SLC9A8: variants seen among roughly 807,000 people sequenced by gnomAD.
SLC9A8 encodes the protein solute carrier family 9 member A8, also known as sodium/hydrogen exchanger 8.
In SLC9A8, 48 loss-of-function variants were observed where a neutral mutation model predicts 66.6. The observed-to-expected ratio is 0.72, with a 90% CI of 0.57 to 0.92. SLC9A8 has a LOEUF of 0.92. SLC9A8 is among the 40% of genes least tolerant of loss of function. The pLI, the probability that SLC9A8 is intolerant of heterozygous loss-of-function variation, is 0.00. For missense variants in SLC9A8, 599 were observed against 747.3 expected, an observed-to-expected ratio of 0.80 and a Z score of 2.31; for synonymous variants, 274 against 282.6, an observed-to-expected ratio of 0.97 and a Z score of 0.31.
At chr20:49,865,557 A>G (rs1337735500) in intron 10 of SLC9A8, among the ~76,000 whole-genome samples, 1 of 152,160 alleles carries the variant, frequency 6.6e-6, no homozygotes, top group Non-Finnish European at 1.5e-5. Context: ...AGGAGGGCAC[A>G]CAGCTCTCAG....
At chr20:49,836,101 C>T (rs1051699960) in intron 3 of SLC9A8, among the ~76,000 whole-genome samples, 1 of 152,172 alleles carries the variant, frequency 6.6e-6, no homozygotes, top group African/African-American at 2.4e-5. Context: ...CTCCCTGTCC[C>T]TGGGCAACCA....
Position 49,888,155 on chromosome 20 carries a change from C to A in SLC9A8, c.*219C>A. Reference sequence around the variant, plus strand: ...GAAACTGTCATCTCCCGACTCCTCCCTGAGCCAGCCTCCGCTCAGTGTGGC... The same window carrying A: ...GAAACTGTCATCTCCCGACTCCTCCATGAGCCAGCCTCCGCTCAGTGTGGC... On this transcript the variant is annotated 3_prime_UTR_variant, in exon 16 of 16. Transcript: ENST00000361573. 2.1e-6 allele frequency: 1 copy of A among 481,812 alleles called. No homozygotes were observed. Among genetic ancestry groups the A allele is most frequent in the East Asian group, 3.9e-5 (1 of 25,504 alleles). The allele number at this position is 481,812 out of a possible 1,614,324, so 29.8% of individuals were successfully genotyped here. A position where few individuals can be genotyped will look rare whatever the true frequency, so the allele number is the denominator to read the frequency against.
At chr20:49,820,147 AG>A (rs2086680984) in intron 2 of SLC9A8, among the ~76,000 whole-genome samples, 1 of 152,178 alleles carries the variant, frequency 6.6e-6, no homozygotes, top group African/African-American at 2.4e-5. Flanking sequence ...CCATTTTACA[AG>A]GGTTCCGGTT....
At chr20:49,851,864 A>G (rs769109617) in intron 7 of SLC9A8, among the ~76,000 whole-genome samples, 1 of 152,220 alleles carries the variant, frequency 6.6e-6, no homozygotes, top group Non-Finnish European at 1.5e-5. Context: ...TGCCCAGTAA[A>G]GGAAGGTATC....
At chr20:49,887,624 T>G (rs892756107) in intron 15 of SLC9A8, among the ~76,000 whole-genome samples, 1 of 152,150 alleles carries the variant, frequency 6.6e-6, no homozygotes, top group African/African-American at 2.4e-5. Context: ...CCTCCTCCTT[T>G]CTGAATGACA....
chr20:49,883,936 T>G lies in SLC9A8; in HGVS notation c.1361T>G (p.Val454Gly), dbSNP rs2089724222. ...CAGCTCATCGGCACCACCACCATCG[T>G]CATCGTGCTCTTCACCATCCTGCTG... is the stretch of plus-strand genomic sequence containing the variant. ...KRQLIGTTTIVIVLFTILLLG... is the reference protein window; with the variant it reads ...KRQLIGTTTIGIVLFTILLLG... Residue 454 changes from valine (V) to glycine (G), a missense_variant, in exon 14 of 16, where the codon GTC becomes GGC. Physicochemically the swap from Val to Gly is moderately radical, Grantham distance 109. This residue lies in a region of SLC9A8 where 467 missense variants were observed against 626.5 expected (regional missense o/e 0.75). Transcript: ENST00000361573. The G allele has an allele frequency of 6.2e-7, 1 of 1,612,624 alleles. No homozygotes were observed. Among genetic ancestry groups the G allele is most frequent in the East Asian group, 2.2e-5 (1 of 44,860 alleles).
At chr20:49,882,223 G>A (rs557195337) in intron 13 of SLC9A8, among the ~76,000 whole-genome samples, 12 of 152,356 alleles carry the variant, frequency 7.9e-5, no homozygotes, top group African/African-American at 2.6e-4. Context: ...TTGCGAGTGA[G>A]CCGTGCTCGC....
Position 49,875,990 on chromosome 20 carries a change from C to T in SLC9A8, c.1075+1169C>T, listed in dbSNP as rs1043878699. Among the ~76,000 whole-genome samples, 5 of 152,156 alleles carry T rather than the reference C, an allele frequency of 3.3e-5. No individual in the cohort carries two copies. The East Asian group carries it at 5.8e-4, about 18-fold the overall frequency. On this transcript the variant is annotated intron_variant, in intron 11 of 15. Transcript: ENST00000361573. ...TCCTGACCTTGTGATCCACCTGCCT[C>T]GGCCTCCCAAAGTGCTGGGATTACA...
chr20:49,874,606 A>G (rs1213469951), intron 10 of SLC9A8, 99 bp from the exon 11 acceptor site: 1 of 765,454 alleles, frequency 1.3e-6, no homozygotes, highest in Non-Finnish European at 2.3e-6. Flanking sequence ...TTTTTCTTAA[A>G]CCCTCTAATG....
intron 3 of SLC9A8, among the ~76,000 whole-genome samples, chr20:49,828,090 T>C (rs911543505): frequency 1.3e-5 from 2 of 148,776 alleles, no homozygotes; most frequent in African/African-American, 4.9e-5. Context: ...TTTTTTTTTT[T>C]TTTTTTTGAG....
chr20:49,854,089 C>G (rs1600728757), intron 7 of SLC9A8, among the ~76,000 whole-genome samples: 3 of 152,320 alleles, frequency 2.0e-5, no homozygotes, highest in Admixed American at 2.0e-4. Context: ...CTGACACAGG[C>G]TGGCCATTGG....
At chr20:49,848,606 C>A (rs2088110703) in intron 5 of SLC9A8, among the ~76,000 whole-genome samples, 1 of 152,200 alleles carries the variant, frequency 6.6e-6, no homozygotes, top group Non-Finnish European at 1.5e-5. Flanking sequence ...TAATAAATAG[C>A]TTAATTTCCT....
intron 3 of SLC9A8, among the ~76,000 whole-genome samples, chr20:49,832,539 A>G (rs1022390534): frequency 4.6e-5 from 7 of 152,224 alleles, no homozygotes; most frequent in African/African-American, 9.7e-5. Flanking sequence ...GCAGAAGACC[A>G]GCACTTATGG....
chr20:49,815,474 C>T (rs1216629833), intron 2 of SLC9A8: 2 of 249,048 alleles, frequency 8.0e-6, no homozygotes, highest in Middle Eastern at 1.2e-3. Flanking sequence ...TGAGGCCTGG[C>T]GCGGTGGCTC....
intron 3 of SLC9A8, among the ~76,000 whole-genome samples, chr20:49,836,436 C>T (rs1026163814): frequency 2.6e-5 from 4 of 152,132 alleles, no homozygotes; most frequent in Admixed American, 6.5e-5. Context: ...CAGGTTCCAG[C>T]GATTCTCCTG....
chr20:49,886,184 G>A lies in SLC9A8; in HGVS notation c.1492-568G>A, dbSNP rs1221278236. Among the ~76,000 whole-genome samples, 3 of 151,986 alleles carry A rather than the reference G, an allele frequency of 2.0e-5. No homozygotes were observed. The East Asian group carries it at 5.8e-4, about 29-fold the overall frequency. On this transcript the variant is annotated intron_variant, in intron 14 of 15. Coordinates refer to ENST00000361573, the MANE Select transcript of SLC9A8 (RefSeq NM_015266.3). The surrounding 1 kb of genome is among the most constrained non-coding windows in gnomAD (Gnocchi z 4.8). ...CACTGAGACTCCTCCAGCAGAGCAG[G>A]CGCTGCACTCAGAGCCTGTCTGCTT...
chr20:49,874,853 G>C, intron 11 of SLC9A8, 32 bp downstream of exon 11: 1 of 1,415,026 alleles, frequency 7.1e-7, no homozygotes, highest in Non-Finnish European at 1.0e-6. Flanking sequence ...CCGTGAGCAG[G>C]CCCACCCAGA....
chr20:49,883,662 G>A (rs1265213989), intron 13 of SLC9A8, among the ~76,000 whole-genome samples, 184 bp from the exon 14 acceptor site: 1 of 152,180 alleles, frequency 6.6e-6, no homozygotes, highest in Non-Finnish European at 1.5e-5. Flanking sequence ...GTGAGTCTGT[G>A]GTCCCATCTC....
chr20:49,882,388 T>G (rs1426814089), intron 13 of SLC9A8, among the ~76,000 whole-genome samples: 1 of 152,176 alleles, frequency 6.6e-6, no homozygotes, highest in Non-Finnish European at 1.5e-5. Context: ...CGAGGACCAC[T>G]TCACTCTCTT....
Sources: allele counts gnomAD v4.1 joint callset (sites outside exome capture counted in the v4.1 genomes callset), GRCh38; gene constraint gnomAD v4.1.1; regional missense constraint gnomAD v4.1.1; non-coding constraint Gnocchi (gnomAD v3.1); transcripts MANE v1.5; gene names NCBI Gene and HGNC (gene_info 2026-07-23, HGNC 2026-07-21).